The following ASIC2 variants were observed in gnomAD, a reference collection of about 807,000 sequenced individuals.
The protein encoded by ASIC2 is acid-sensing ion channel 2.
In ASIC2, 25 loss-of-function variants were observed where a neutral mutation model predicts 57.3. The ratio of observed to expected loss-of-function variants is 0.44; its 90% CI spans 0.32 to 0.61. The LOEUF (loss-of-function observed/expected upper bound fraction) is 0.61. ASIC2 is among the 20% of genes least tolerant of loss of function. ASIC2 has a pLI of 0.06. For missense variants in ASIC2, 641 were observed against 738.1 expected (o/e 0.87, Z 1.52); for synonymous variants, 319 against 307.5 (o/e 1.04, Z -0.39).
At chr17:33,730,725 T>C (rs976649681) in intron 1 of ASIC2, among the ~76,000 whole-genome samples, 6 of 152,240 alleles carry the variant, frequency 3.9e-5, no homozygotes, top group Admixed American at 3.3e-4. Context: ...AACTCAGTTC[T>C]CTGTGTCTCC....
At chr17:33,454,756 T>G (rs1050447714) in intron 1 of ASIC2, among the ~76,000 whole-genome samples, 6 of 152,122 alleles carry the variant, frequency 3.9e-5, no homozygotes, top group Admixed American at 2.6e-4. Flanking sequence ...ACCAGCAGAT[T>G]TGGTGTCTGG....
intron 1 of ASIC2, among the ~76,000 whole-genome samples, chr17:33,402,406 G>A (rs1010476054): frequency 6.6e-6 from 1 of 152,118 alleles, no homozygotes; most frequent in Non-Finnish European, 1.5e-5. Context: ...ATTAAGCCCA[G>A]CATCCATTAG....
intron 1 of ASIC2, among the ~76,000 whole-genome samples, chr17:33,969,148 C>A (rs997413694): frequency 2.0e-5 from 3 of 152,132 alleles, no homozygotes; most frequent in Non-Finnish European, 4.4e-5. Flanking sequence ...GAGAAACAAC[C>A]AGTAGTAAGA....
At chr17:33,064,220 G>C (rs569842132) in intron 3 of ASIC2, among the ~76,000 whole-genome samples, 1 of 147,512 alleles carries the variant, frequency 6.8e-6, no homozygotes, top group African/African-American at 2.7e-5. Flanking sequence ...CGTTCCTTTG[G>C]AGGAGGAGAG....
chr17:33,625,375 T>C (rs1231944836), intron 1 of ASIC2, among the ~76,000 whole-genome samples: 1 of 152,118 alleles, frequency 6.6e-6, no homozygotes, highest in African/African-American at 2.4e-5. Flanking sequence ...ACTAAGGCCT[T>C]CCAACAACTA....
chr17:34,043,662 C>T (rs1239403110), intron 1 of ASIC2, among the ~76,000 whole-genome samples: 1 of 152,176 alleles, frequency 6.6e-6, no homozygotes, highest in African/African-American at 2.4e-5. Context: ...ATTTAAAACA[C>T]TTTTACCTTC....
intron 1 of ASIC2, among the ~76,000 whole-genome samples, chr17:33,419,252 C>T (rs572984828): frequency 3.0e-4 from 46 of 152,320 alleles, no homozygotes; most frequent in African/African-American, 1.0e-3. Context: ...TGCTGGGTCT[C>T]CTCTCTATCT....
intron 1 of ASIC2, among the ~76,000 whole-genome samples, chr17:33,693,165 G>GA (rs1326776502): frequency 1.3e-5 from 2 of 152,074 alleles, no homozygotes; most frequent in Non-Finnish European, 2.9e-5. Context: ...CTGTCCCAAT[G>GA]ATCTATCTGT....
intron 1 of ASIC2, among the ~76,000 whole-genome samples, chr17:33,658,266 G>A (rs570882015): frequency 1.1e-4 from 16 of 152,354 alleles, no homozygotes; most frequent in Admixed American, 2.6e-4. Context: ...CAGAAGGCCG[G>A]ATGATCTTGA....
chr17:33,358,905 T>C (rs1436539779), intron 1 of ASIC2, among the ~76,000 whole-genome samples: 1 of 152,168 alleles, frequency 6.6e-6, no homozygotes, highest in East Asian at 1.9e-4. Flanking sequence ...CCCTTAAAGC[T>C]AGGTATAGCT....
chr17:33,797,386 G>A (rs556295723), intron 1 of ASIC2, among the ~76,000 whole-genome samples: 6 of 152,170 alleles, frequency 3.9e-5, no homozygotes, highest in South Asian at 2.1e-4. Context: ...ATCCCTTGGC[G>A]GCACTGTGAG....
chr17:33,205,547 T>C (rs1567783779), intron 1 of ASIC2, among the ~76,000 whole-genome samples: 1 of 152,184 alleles, frequency 6.6e-6, no homozygotes, highest in Non-Finnish European at 1.5e-5. Flanking sequence ...GAAAACAGAT[T>C]TCACTATGGA....
At chr17:33,138,321 A>G (rs538141460) in intron 1 of ASIC2, among the ~76,000 whole-genome samples, 5 of 152,300 alleles carry the variant, frequency 3.3e-5, no homozygotes, top group Admixed American at 2.0e-4. Context: ...CACAGAGAAC[A>G]TCAGAGCTAG....
chr17:33,624,220 T>C (rs1905902928), intron 1 of ASIC2: 1 of 152,162 alleles, frequency 6.6e-6, no homozygotes, highest in African/African-American at 2.4e-5. Context: ...CAGAGGGATA[T>C]ATCAGCAGAA....
At position 33,892,910 on chromosome 17, in the gene ASIC2, G is replaced by A. The variant is rs1363077181; in HGVS notation, c.555+263068C>T. ...TAGCCAGCTCCCGTTTGGGAGGAGG[G>A]AGCTGGCTCCCTCCTTGCTCCAAAG... On this transcript the variant is annotated intron_variant, in intron 1 of 9. Transcript: ENST00000359872. Among the ~76,000 whole-genome samples, 4 of 152,154 alleles carry A rather than the reference G, an allele frequency of 2.6e-5. 1 individual carries two copies. The highest frequency in any genetic ancestry group is 5.9e-5 in the Non-Finnish European group (4 of 68,024).
intron 1 of ASIC2, among the ~76,000 whole-genome samples, chr17:33,917,739 C>T (rs1915613783): frequency 6.6e-6 from 1 of 152,132 alleles, no homozygotes; most frequent in African/African-American, 2.4e-5. Context: ...AATTATAGCA[C>T]CTCCTCTGTG....
At chr17:33,647,068 C>G (rs1386551346) in intron 1 of ASIC2, among the ~76,000 whole-genome samples, 3 of 152,072 alleles carry the variant, frequency 2.0e-5, no homozygotes, top group Admixed American at 6.5e-5. Context: ...AAGTTGATGC[C>G]CACAGCCCTG....
chr17:33,042,176 C>T (rs1384586321), intron 3 of ASIC2, among the ~76,000 whole-genome samples: 4 of 152,194 alleles, frequency 2.6e-5, no homozygotes, highest in Admixed American at 2.0e-4. Flanking sequence ...CACCAATCAG[C>T]AGGTAACAGA....
At chr17:34,046,321 A>T (rs1908333577) in intron 1 of ASIC2, among the ~76,000 whole-genome samples, 1 of 152,220 alleles carries the variant, frequency 6.6e-6, no homozygotes, top group Non-Finnish European at 1.5e-5. Context: ...GCCAGAGGTA[A>T]ATGTTATAAG....
Sources: allele counts gnomAD v4.1 joint callset (sites outside exome capture counted in the v4.1 genomes callset), GRCh38; gene constraint gnomAD v4.1.1; transcripts MANE v1.5; gene names NCBI Gene and HGNC (gene_info 2026-07-23, HGNC 2026-07-21).